Variants in SH2B1 observed in about 807,000 individuals in gnomAD.
The protein encoded by SH2B1 is SH2B adaptor protein 1, also known as SH2B adapter protein 1.
Under a neutral mutation model 62.6 loss-of-function variants are expected in SH2B1, and 15 were observed. The ratio of observed to expected loss-of-function variants is 0.24; its 90% CI spans 0.16 to 0.37. The LOEUF is 0.37. Ranked by LOEUF, SH2B1 falls within the 10% of genes least tolerant of loss-of-function variation. The probability of loss-of-function intolerance (pLI) is 1.00; values close to 1 mark genes in which losing one functional copy is unlikely to be tolerated. For missense variants in SH2B1, 925 were observed against 1,015.6 expected (o/e 0.91, Z 1.21); for synonymous variants, 443 against 438.0 (o/e 1.01, Z -0.14).
chr16:28,865,266 T>G lies in SH2B1; in HGVS notation c.-829T>G. ...CCAGACTGAAGGGATACCAAAGAAG[T>G]GGGCTGTAGCTATTTCACATCTCCT... On this transcript the variant is annotated 5_prime_UTR_variant, in exon 1 of 8. Transcript: ENST00000684370. 1 of 985,658 alleles carries G rather than the reference T, an allele frequency of 1.0e-6. No homozygotes were observed. The highest frequency in any genetic ancestry group is 1.2e-6 in the Non-Finnish European group (1 of 829,980). The allele number at this position is 985,658 out of a possible 1,614,324, so 61.1% of individuals were successfully genotyped here.
At chr16:28,858,926 A>G (rs1413151553), upstream of SH2B1, among the ~76,000 whole-genome samples, 2 of 149,370 alleles carry the variant, frequency 1.3e-5, no homozygotes, top group African/African-American at 4.9e-5. Flanking sequence ...CCTGGGTGAC[A>G]CAGCAAGACT....
intron 1 of SH2B1, among the ~76,000 whole-genome samples, chr16:28,852,707 TATATTTAC>T (rs1962177004): frequency 1.3e-5 from 1 of 74,960 alleles, no homozygotes; most frequent in African/African-American, 5.3e-5. Flanking sequence ...TATATACATA[TATATTTAC>T]ATATATATTT....
Position 28,864,604 on chromosome 16 carries a change from T to A in SH2B1, c.-1491T>A. On this transcript the variant is annotated 5_prime_UTR_variant, in exon 1 of 8. Coordinates refer to ENST00000684370, the MANE Select transcript of SH2B1 (RefSeq NM_001387430.1). ...GCCTGGCTGTAGGTTTGAACAGGAGTCTGAGGTCGCTGAGGGTTTGGGGAG... is the reference window on the plus strand; with the variant it reads ...GCCTGGCTGTAGGTTTGAACAGGAGACTGAGGTCGCTGAGGGTTTGGGGAG... 1.0e-6 allele frequency: 1 copy of A among 984,764 alleles called. No homozygotes were observed. Among genetic ancestry groups the A allele is most frequent in the East Asian group, 1.1e-4 (1 of 8,860 alleles). 61.0% of individuals were successfully genotyped at this position (984,764 alleles called of 1,614,324 possible). A position where few individuals can be genotyped will look rare whatever the true frequency, so the allele number is the denominator to read the frequency against.
At chr16:28,867,128 A>G (rs1035458504) in intron 1 of SH2B1, 95 bp downstream of exon 1, 3 of 1,536,300 alleles carry the variant, frequency 2.0e-6, no homozygotes, top group Middle Eastern at 1.7e-4. Flanking sequence ...TTACCAGCCC[A>G]TGGCCCTGGT....
rs960723645 is a variant in SH2B1, at chr16:28,866,807, G to A, written c.713G>A (p.Gly238Asp). ...FERLRLSRGG[G>D]ALKDGAGMVQ... ...AGGCTGAGACTCAGTCGGGGAGGGGGCGCCTTGAAGGATGGAGCAGGGATG... is the reference window on the plus strand; with the variant it reads ...AGGCTGAGACTCAGTCGGGGAGGGGACGCCTTGAAGGATGGAGCAGGGATG... Residue 238 changes from glycine to aspartate, a missense_variant, in exon 1 of 8, where the codon GGC becomes GAC. By Grantham distance (94) the Gly-to-Asp change is moderately conservative (BLOSUM62 -1). This residue lies in a region of SH2B1 where 683 missense variants were observed against 704.0 expected (regional missense o/e 0.97). Coordinates refer to ENST00000684370, the MANE Select transcript of SH2B1 (RefSeq NM_001387430.1). The surrounding 1 kb of genome is among the most constrained non-coding windows in gnomAD (Gnocchi z 6.3). 1.3e-6 allele frequency: 2 copies of A among 1,583,338 alleles called. No individual in the cohort carries two copies. Among genetic ancestry groups the A allele is most frequent in the Admixed American group, 1.8e-5 (1 of 56,120 alleles).
At chr16:28,848,204 C>T (rs1041690845) in intron 1 of SH2B1, among the ~76,000 whole-genome samples, 1 of 151,912 alleles carries the variant, frequency 6.6e-6, no homozygotes, top group South Asian at 2.1e-4. Context: ...TTTGGGAGGC[C>T]GGGCGGGTGG....
intron 1 of SH2B1, among the ~76,000 whole-genome samples, chr16:28,857,767 T>G (rs1433802277): frequency 2.7e-5 from 4 of 146,246 alleles, no homozygotes; most frequent in Admixed American, 7.0e-5. Flanking sequence ...TGAGACGGAG[T>G]CTCGCTCTGT....
chr16:28,864,101 C>T lies in SH2B1; in HGVS notation c.-1994C>T. On this transcript the variant is annotated 5_prime_UTR_variant, in exon 1 of 8. Transcript: ENST00000684370. ...GAGAGTGCAGCAGACAGGGCTGGTC[C>T]CGAGGTGGATGCGGCCCCGGAAAAT... is the stretch of plus-strand genomic sequence containing the variant. 4 of 1,251,654 alleles carry T rather than the reference C, an allele frequency of 3.2e-6. No homozygotes were observed. Among genetic ancestry groups the T allele is most frequent in the Non-Finnish European group, 4.0e-6 (4 of 990,942 alleles). The allele number at this position is 1,251,654 out of a possible 1,614,324, so 77.5% of individuals were successfully genotyped here. A position where few individuals can be genotyped will look rare whatever the true frequency, so the allele number is the denominator to read the frequency against.
At chr16:28,852,222 A>T (rs78293257) in intron 1 of SH2B1, among the ~76,000 whole-genome samples, 3 of 38,810 alleles carry the variant, frequency 7.7e-5, no homozygotes, top group African/African-American at 5.5e-4. Context: ...ATATATTTAC[A>T]TATATATTTA....
At position 28,852,659 on chromosome 16, in the gene SH2B1, CAT is replaced by C. The variant is rs1203882095; in HGVS notation, c.-301+5839_-301+5840del. Reference sequence around the variant, plus strand: ...ACACATATATATTTATATATATACACATATATATTTATATATATATTTACATA... The same window carrying C: ...ACACATATATATTTATATATATACACATATATTTATATATATATTTACATA... On this transcript the variant is annotated intron_variant, in intron 1 of 10. Coordinates refer to the SH2B1 transcript ENST00000322610. Among the ~76,000 whole-genome samples, 6 of 76,542 alleles carry C rather than the reference CAT, an allele frequency of 7.8e-5. 2 individuals carry two copies. Among genetic ancestry groups the C allele is most frequent in the African/African-American group, 1.1e-4 (2 of 17,650 alleles). The allele number at this position is 76,542 out of a possible 152,430, so 50.2% of individuals were successfully genotyped here.
chr16:28,852,925 T>TATATGTACATATATATGTACATATATA (rs1246780535), intron 1 of SH2B1, among the ~76,000 whole-genome samples: 1 of 51,168 alleles, frequency 2.0e-5, no homozygotes, highest in Admixed American at 3.2e-4. Context: ...CATATATATA[T>TATATGTACATATATATGTACATATATA]TTTTATATAT....
intron 3 of SH2B1, 45 bp downstream of exon 3, chr16:28,869,142 G>A (rs1235048604): frequency 6.2e-7 from 1 of 1,613,432 alleles, no homozygotes; most frequent in South Asian, 1.1e-5. Flanking sequence ...GAGTGGGGTT[G>A]GGGAGCAGCC....
chr16:28,858,973 GT>G (rs892536393), upstream of SH2B1, among the ~76,000 whole-genome samples: 1 of 151,066 alleles, frequency 6.6e-6, no homozygotes, highest in African/African-American at 2.4e-5. Flanking sequence ...CATTTATTTG[GT>G]TTTTTTTAGA....
At chr16:28,860,726 C>T (rs1333806328), upstream of SH2B1, among the ~76,000 whole-genome samples, 1 of 152,066 alleles carries the variant, frequency 6.6e-6, no homozygotes, top group Non-Finnish European at 1.5e-5. Flanking sequence ...TTGCCCATTT[C>T]CCCCCGACAC....
chr16:28,868,140 T>G (rs1962825441), intron 2 of SH2B1, among the ~76,000 whole-genome samples: 1 of 149,294 alleles, frequency 6.7e-6, no homozygotes, highest in African/African-American at 2.5e-5. Flanking sequence ...TTTATTTTAT[T>G]ATTTATTTAT....
In SH2B1 at chr16:28,864,419, C is replaced by G; in HGVS notation, c.-1676C>G. The G allele has an allele frequency of 1.0e-6, 1 of 986,908 alleles. No individual in the cohort carries two copies. The highest frequency in any genetic ancestry group is 1.2e-6 in the Non-Finnish European group (1 of 830,740). 61.1% of individuals were successfully genotyped at this position (986,908 alleles called of 1,614,324 possible). A position where few individuals can be genotyped will look rare whatever the true frequency, so the allele number is the denominator to read the frequency against. ...CTGTGTGAGCCGAGGTGGCCGCTGG[C>G]TGGAGATTGGTTTGCACTTCTTGGC... On this transcript the variant is annotated 5_prime_UTR_variant, in exon 1 of 8. Coordinates refer to ENST00000684370, the MANE Select transcript of SH2B1 (RefSeq NM_001387430.1).
At chr16:28,868,774 C>G (rs553647946) in intron 2 of SH2B1, among the ~76,000 whole-genome samples, 1 of 151,576 alleles carries the variant, frequency 6.6e-6, no homozygotes, top group Non-Finnish European at 1.5e-5. Context: ...TTTTATTTTT[C>G]AATTTTTTTA....
Position 28,867,023 on chromosome 16 carries a change from T to A in SH2B1, c.929T>A (p.Val310Glu), listed in dbSNP as rs777342427. The change falls in exon 1 of 8, where the codon GTA (valine) becomes GAA (glutamate). Residue 310 changes from valine (V) to glutamate (E), a missense_variant. Physicochemically the swap from Val to Glu is moderately radical, Grantham distance 121 (BLOSUM62 -2). This residue lies in a region of SH2B1 where 683 missense variants were observed against 704.0 expected (regional missense o/e 0.97). Coordinates refer to ENST00000684370, the MANE Select transcript of SH2B1 (RefSeq NM_001387430.1). ...GGGGSRLEFF[V>E]PPKASRPRLS... is the part of the protein sequence containing the mutation. ...GGAGGAAGTCGCCTGGAGTTCTTTG[T>A]ACCACCCAAGGTGAGGCCCCTTGGA... The A allele has an allele frequency of 3.1e-6, 5 of 1,599,440 alleles. No homozygotes were observed. The highest frequency in any genetic ancestry group is 4.2e-6 in the Non-Finnish European group (5 of 1,179,946).
At chr16:28,851,709 C>T (rs1182472819) in intron 1 of SH2B1, among the ~76,000 whole-genome samples, 12 of 150,734 alleles carry the variant, frequency 8.0e-5, no homozygotes, top group Non-Finnish European at 1.6e-4. Flanking sequence ...GTGATCCACC[C>T]GCCTCAGCCT....
Sources: allele counts gnomAD v4.1 joint callset (sites outside exome capture counted in the v4.1 genomes callset), GRCh38; gene constraint gnomAD v4.1.1; regional missense constraint gnomAD v4.1.1; non-coding constraint Gnocchi (gnomAD v3.1); transcripts MANE v1.5; gene names NCBI Gene and HGNC (gene_info 2026-07-23, HGNC 2026-07-21).